ARHGEF26: variants seen among roughly 807,000 people sequenced by gnomAD.
ARHGEF26 encodes the protein Rho guanine nucleotide exchange factor 26.
ARHGEF26 carries 59 observed loss-of-function variants against 89.4 expected under a neutral mutation model. The ratio of observed to expected loss-of-function variants is 0.66; its 90% CI spans 0.54 to 0.82. The LOEUF is 0.82. ARHGEF26 is among the 40% of genes least tolerant of loss of function. ARHGEF26 has a pLI of 0.00. For synonymous variants in ARHGEF26, 500 were observed against 428.4 expected, an observed-to-expected ratio of 1.17 and a Z score of -2.06; for missense variants, 1,234 against 1,085.6, an observed-to-expected ratio of 1.14 and a Z score of -1.92.
intron 14 of ARHGEF26, among the ~76,000 whole-genome samples, 174 bp from the exon 15 acceptor site, chr3:154,255,157 T>A (rs888519777): frequency 6.6e-6 from 1 of 152,122 alleles, no homozygotes; most frequent in Non-Finnish European, 1.5e-5. Context: ...CTGCTCACGT[T>A]CTTTCCCTGC....
chr3:154,245,146 G>C (rs945941704), intron 12 of ARHGEF26, among the ~76,000 whole-genome samples: 30 of 152,306 alleles, frequency 2.0e-4, no homozygotes, highest in African/African-American at 6.5e-4. Context: ...TCCTGCCTCA[G>C]CCTCTCAAAG....
At position 154,257,173 on chromosome 3, in the gene ARHGEF26, C is replaced by A. The variant is rs969576007; in HGVS notation, c.*1700C>A. On this transcript the variant is annotated 3_prime_UTR_variant, in exon 15 of 15. Transcript: ENST00000465093. Reference sequence around the variant, plus strand: ...ACCTCGGCAATGAGCCAGTGTGGGGCACTGGGGACTTCTAACCCTTGGATT... The same window carrying A: ...ACCTCGGCAATGAGCCAGTGTGGGGAACTGGGGACTTCTAACCCTTGGATT... The A allele has an allele frequency of 1.7e-5, 9 of 531,570 alleles. No homozygotes were observed. The highest frequency in any genetic ancestry group is 2.9e-5 in the Non-Finnish European group (9 of 315,704). The allele number at this position is 531,570 out of a possible 1,614,324, so 32.9% of individuals were successfully genotyped here. A position where few individuals can be genotyped will look rare whatever the true frequency, so the allele number is the denominator to read the frequency against.
At chr3:154,153,840 C>T (rs1384419806) in intron 6 of ARHGEF26, among the ~76,000 whole-genome samples, 1 of 151,920 alleles carries the variant, frequency 6.6e-6, no homozygotes, top group Non-Finnish European at 1.5e-5. Context: ...CTGTTCTGCT[C>T]CTTACTTTTT....
intron 6 of ARHGEF26, among the ~76,000 whole-genome samples, chr3:154,187,475 C>T (rs115792432): frequency 0.035 from 5,195 of 148,404 alleles, 288 homozygotes; most frequent in African/African-American, 0.12. Flanking sequence ...AGATTATAGG[C>T]GTGAGCCACA....
intron 5 of ARHGEF26, among the ~76,000 whole-genome samples, 193 bp downstream of exon 5, chr3:154,149,638 A>G (rs530613182): frequency 2.7e-4 from 41 of 152,368 alleles, no homozygotes; most frequent in South Asian, 1.9e-3. Context: ...AATTTTAAAT[A>G]TCTCAACATC....
intron 6 of ARHGEF26, among the ~76,000 whole-genome samples, chr3:154,153,659 A>T (rs1429351437): frequency 6.6e-6 from 1 of 152,144 alleles, no homozygotes; most frequent in Non-Finnish European, 1.5e-5. Flanking sequence ...AATATGAAAG[A>T]TCCTACAGTA....
intron 14 of ARHGEF26, 132 bp from the exon 15 acceptor site, chr3:154,255,199 C>G: frequency 1.1e-6 from 1 of 937,986 alleles, no homozygotes; most frequent in Non-Finnish European, 1.6e-6. Context: ...AAAGCTTTCC[C>G]TGTCCCACTT....
chr3:154,191,552 G>A, intron 8 of ARHGEF26, 134 bp downstream of exon 8: 2 of 1,120,548 alleles, frequency 1.8e-6, no homozygotes, highest in Non-Finnish European at 2.4e-6. Context: ...GTGAGAAGGT[G>A]TTGTTTGTTC....
chr3:154,180,599 G>C (rs1320090768), intron 6 of ARHGEF26, among the ~76,000 whole-genome samples: 2 of 2,470 alleles, frequency 8.1e-4, no homozygotes, highest in Admixed American at 6.8e-3. Context: ...CTCTAATTTT[G>C]TCATTGGTAA....
intron 6 of ARHGEF26, among the ~76,000 whole-genome samples, chr3:154,178,003 A>G (rs939328106): frequency 6.6e-6 from 1 of 152,122 alleles, no homozygotes; most frequent in Non-Finnish European, 1.5e-5. Context: ...GTGGAGTTCG[A>G]GACCAGCCTG....
At chr3:154,215,830 A>T (rs894105513) in intron 9 of ARHGEF26, among the ~76,000 whole-genome samples, 1 of 152,124 alleles carries the variant, frequency 6.6e-6, no homozygotes, top group African/African-American at 2.4e-5. Flanking sequence ...ATATTATCAC[A>T]TTGCCTCGTA....
At chr3:154,193,726 A>G (rs191686280) in intron 8 of ARHGEF26, among the ~76,000 whole-genome samples, 68 of 152,266 alleles carry the variant, frequency 4.5e-4, no homozygotes, top group Admixed American at 8.5e-4. Flanking sequence ...ATGTAATTAA[A>G]TTTACCGTGA....
At chr3:154,250,852 CA>C (rs1718098935) in intron 12 of ARHGEF26, among the ~76,000 whole-genome samples, 1 of 152,060 alleles carries the variant, frequency 6.6e-6, no homozygotes, top group Non-Finnish European at 1.5e-5. Context: ...ATCTTATTCC[CA>C]ATAAAGACAT....
chr3:154,236,332 T>C (rs775286417), intron 11 of ARHGEF26, among the ~76,000 whole-genome samples: 3 of 152,214 alleles, frequency 2.0e-5, no homozygotes, highest in Non-Finnish European at 2.9e-5. Flanking sequence ...CAGACTTATA[T>C]AGATTTGATT....
At chr3:154,124,614 GTAATAC>G (rs1718217269) in intron 3 of ARHGEF26, among the ~76,000 whole-genome samples, 165 bp downstream of exon 3, 1 of 152,020 alleles carries the variant, frequency 6.6e-6, no homozygotes, top group Non-Finnish European at 1.5e-5. Flanking sequence ...TTTTTATCTA[GTAATAC>G]TAATGGTGAA....
chr3:154,159,877 G>T (rs549167597), intron 6 of ARHGEF26, among the ~76,000 whole-genome samples: 1 of 152,176 alleles, frequency 6.6e-6, no homozygotes, highest in East Asian at 1.9e-4. Context: ...CTAGGCCAGA[G>T]AATATGGAAC....
chr3:154,179,755 A>G (rs578029178), intron 6 of ARHGEF26, among the ~76,000 whole-genome samples: 10 of 152,344 alleles, frequency 6.6e-5, no homozygotes, highest in East Asian at 1.9e-4. Flanking sequence ...ACCCGTATGC[A>G]GATACTGGAT....
intron 9 of ARHGEF26, among the ~76,000 whole-genome samples, chr3:154,199,067 TCA>T (rs1308185758): frequency 2.0e-5 from 3 of 152,032 alleles, no homozygotes; most frequent in Non-Finnish European, 4.4e-5. Context: ...TAAAAATAAT[TCA>T]GTTAAACTCT....
intron 12 of ARHGEF26, among the ~76,000 whole-genome samples, chr3:154,243,818 T>C (rs1036683216): frequency 6.7e-6 from 1 of 149,904 alleles, no homozygotes; most frequent in Non-Finnish European, 1.5e-5. Flanking sequence ...GTATTGGTGT[T>C]GAAAAAATAT....
Sources: gnomAD v4.1 joint callset for allele counts (sites outside exome capture counted in the v4.1 genomes callset) on GRCh38, gnomAD v4.1.1 for gene constraint, MANE v1.5 for transcripts, NCBI Gene and HGNC (gene_info 2026-07-23, HGNC 2026-07-21) for gene names.